Variants in NUP155 observed in about 807,000 individuals in gnomAD.
NUP155 encodes the protein nucleoporin 155, also known as nuclear pore complex protein Nup155.
Under a neutral mutation model 180.4 loss-of-function variants are expected in NUP155, and 71 were observed. The ratio of observed to expected loss-of-function variants is 0.39; its 90% CI spans 0.33 to 0.48. The LOEUF is 0.48. NUP155 is among the 20% of genes least tolerant of loss of function. The pLI is 0.91. For missense variants in NUP155, 1,553 were observed against 1,648.9 expected, an observed-to-expected ratio of 0.94 and a Z score of 1.01; for synonymous variants, 582 against 559.5, an observed-to-expected ratio of 1.04 and a Z score of -0.57.
intron 33 of NUP155, among the ~76,000 whole-genome samples, chr5:37,293,540 C>A (rs1742344439): frequency 6.6e-6 from 1 of 152,212 alleles, no homozygotes; most frequent in African/African-American, 2.4e-5. Context: ...ATAAAAGACA[C>A]AATCTACTTT....
chr5:37,296,529 A>T (rs1581127464), intron 32 of NUP155, among the ~76,000 whole-genome samples: 3 of 151,304 alleles, frequency 2.0e-5, no homozygotes, highest in Admixed American at 2.0e-4. Context: ...AATCTCAAGT[A>T]CCCAGGGACA....
intron 4 of NUP155, among the ~76,000 whole-genome samples, chr5:37,354,132 A>G (rs909423426): frequency 1.3e-5 from 2 of 152,174 alleles, no homozygotes; most frequent in African/African-American, 4.8e-5. Flanking sequence ...GATTCTATGT[A>G]AAGGACATAC....
rs1198025476 is a variant in NUP155, at chr5:37,355,507, C to CA, written c.463+2573dup. ...CCTGGGTGACAGTGAGACACTGTTT[C>CA]AAAAAAAAAAAAGTACGGTTAAAGA... On this transcript the variant is annotated intron_variant, in intron 4 of 34. Coordinates refer to ENST00000231498, the MANE Select transcript of NUP155 (RefSeq NM_153485.3). Among the ~76,000 whole-genome samples, 531 of 126,664 alleles carry CA rather than the reference C, an allele frequency of 4.2e-3. 1 individual carries two copies. Among genetic ancestry groups the CA allele is most frequent in the African/African-American group, 0.013 (457 of 34,642 alleles). 83.1% of individuals were successfully genotyped at this position (126,664 alleles called of 152,430 possible).
chr5:37,325,085 G>T (rs1342056583), intron 19 of NUP155, among the ~76,000 whole-genome samples: 1 of 152,018 alleles, frequency 6.6e-6, no homozygotes, highest in African/African-American at 2.4e-5. Flanking sequence ...CAGGAGGCAG[G>T]GGTTACGATG....
chr5:37,364,921 C>A (rs1747458079), intron 1 of NUP155, among the ~76,000 whole-genome samples: 1 of 151,858 alleles, frequency 6.6e-6, no homozygotes, highest in South Asian at 2.1e-4. Flanking sequence ...CAGGTGTGAG[C>A]CACCGTGCCC....
At chr5:37,313,783 G>A (rs575667899) in intron 22 of NUP155, among the ~76,000 whole-genome samples, 9 of 152,270 alleles carry the variant, frequency 5.9e-5, no homozygotes, top group Middle Eastern at 3.4e-3. Flanking sequence ...GATCACAGGC[G>A]TGAGGCATGG....
chr5:37,317,963 T>C, intron 21 of NUP155, 25 bp downstream of exon 21: 2 of 1,309,318 alleles, frequency 1.5e-6, no homozygotes, highest in Non-Finnish European at 2.2e-6. Context: ...CATGTACGCT[T>C]AACTGATGAG....
At chr5:37,307,773 T>C (rs1164848339) in intron 24 of NUP155, among the ~76,000 whole-genome samples, 1 of 151,698 alleles carries the variant, frequency 6.6e-6, no homozygotes, top group Non-Finnish European at 1.5e-5. Context: ...AATACAAAAA[T>C]TAGCTGGGCC....
chr5:37,360,583 C>T (rs1050858627), intron 3 of NUP155, among the ~76,000 whole-genome samples: 2 of 151,222 alleles, frequency 1.3e-5, no homozygotes, highest in Non-Finnish European at 2.9e-5. Flanking sequence ...GTCAGGAATT[C>T]GAGACCAGCT....
At chr5:37,352,489 G>T (rs1746529705) in intron 5 of NUP155, among the ~76,000 whole-genome samples, 1 of 152,166 alleles carries the variant, frequency 6.6e-6, no homozygotes, top group African/African-American at 2.4e-5. Context: ...GGTAAGCCAA[G>T]ATCACGCCAT....
chr5:37,339,428 G>A (rs148704741), intron 11 of NUP155, among the ~76,000 whole-genome samples: 2,409 of 152,000 alleles, frequency 0.016, 49 homozygotes, highest in African/African-American at 0.048. Context: ...AGGAGTTTAA[G>A]ACCAGCCTGG....
At chr5:37,317,561 AC>A (rs1168912963) in intron 21 of NUP155, among the ~76,000 whole-genome samples, 3 of 152,190 alleles carry the variant, frequency 2.0e-5, no homozygotes, top group African/African-American at 4.8e-5. Context: ...AATAAAAAAA[AC>A]ATAATGAAAT....
At chr5:37,310,929 A>G (rs944510861) in intron 22 of NUP155, among the ~76,000 whole-genome samples, 186 bp from the exon 23 acceptor site, 8 of 152,202 alleles carry the variant, frequency 5.3e-5, no homozygotes, top group Non-Finnish European at 2.9e-5. Flanking sequence ...TTGGAAAAGA[A>G]CCTACAGTAG....
At chr5:37,360,949 G>A (rs1227084639) in intron 3 of NUP155, among the ~76,000 whole-genome samples, 1 of 151,880 alleles carries the variant, frequency 6.6e-6, no homozygotes. Flanking sequence ...AATTTCTGAA[G>A]AAAGAGAATG....
chr5:37,370,766 T>A, intron 1 of NUP155, 55 bp downstream of exon 1: 3 of 1,613,570 alleles, frequency 1.9e-6, no homozygotes, highest in Non-Finnish European at 2.5e-6. Flanking sequence ...AGTAGCAAAT[T>A]AGGAAGTCAG....
intron 12 of NUP155, among the ~76,000 whole-genome samples, chr5:37,334,933 G>A (rs1246099864): frequency 6.6e-6 from 1 of 152,016 alleles, no homozygotes; most frequent in Non-Finnish European, 1.5e-5. Context: ...GTGGAGGCGG[G>A]CGGTACCCGA....
rs772262563 is a variant in NUP155, at chr5:37,301,522, T to C, written c.3476A>G (p.Glu1159Gly). ...ATGGGAATACTGCCTTTGTAGTGTC[T>C]CCTGTATCTGAAGTTGGATCCTAGC... is the stretch of plus-strand genomic sequence containing the variant. ...EVARIQLQIQ[E>G]TLQRQYSHHS... Residue 1159 changes from glutamate to glycine, a missense_variant, in exon 30 of 35, where the codon GAG becomes GGG. By Grantham distance (98) the Glu-to-Gly change is moderately conservative (BLOSUM62 -2). Coordinates refer to ENST00000231498, the MANE Select transcript of NUP155 (RefSeq NM_153485.3). 6 of 1,613,272 alleles carry C rather than the reference T, an allele frequency of 3.7e-6. No individual in the cohort carries two copies. Among genetic ancestry groups the C allele is most frequent in the Non-Finnish European group, 5.1e-6 (6 of 1,179,246 alleles).
At chr5:37,349,447 A>C (rs1746321769) in intron 7 of NUP155, among the ~76,000 whole-genome samples, 1 of 152,170 alleles carries the variant, frequency 6.6e-6, no homozygotes, top group Non-Finnish European at 1.5e-5. Flanking sequence ...ACATGAAAAA[A>C]ACACATGCTA....
At position 37,331,752 on chromosome 5, in the gene NUP155, C is replaced by T. The variant is rs139891649; in HGVS notation, c.1562G>A (p.Arg521Lys). The T allele has an allele frequency of 1.2e-6, 2 of 1,611,442 alleles. No homozygotes were observed. The highest frequency in any genetic ancestry group is 2.7e-5 in the African/African-American group (2 of 74,842). Residue 521 changes from arginine (R) to lysine (K), a missense_variant, in exon 14 of 35, where the codon AGG becomes AAG. Coordinates refer to ENST00000231498, the MANE Select transcript of NUP155 (RefSeq NM_153485.3). ...TCCCACATTACTCACAAGTAGATGCCTCAGTTGATCTACAGGTCTAAGTTT... is the reference window on the plus strand; with the variant it reads ...TCCCACATTACTCACAAGTAGATGCTTCAGTTGATCTACAGGTCTAAGTTT... The part of the protein sequence containing the change: ...FHKLRPVDQL[R>K]HLLVSNVGGD...
Sources: allele counts gnomAD v4.1 joint callset (sites outside exome capture counted in the v4.1 genomes callset), GRCh38; gene constraint gnomAD v4.1.1; transcripts MANE v1.5; gene names NCBI Gene and HGNC (gene_info 2026-07-23, HGNC 2026-07-21).